Variants in CPSF4 observed in about 807,000 individuals in gnomAD.
The protein encoded by CPSF4 is cleavage and polyadenylation specific factor 4, also known as cleavage and polyadenylation specificity factor subunit 4.
Under a neutral mutation model 37.7 loss-of-function variants are expected in CPSF4, and 11 were observed. The ratio of observed to expected loss-of-function variants is 0.29; its 90% CI spans 0.18 to 0.48. The LOEUF (loss-of-function observed/expected upper bound fraction) is 0.48, where lower values mean the gene tolerates loss of function less well. Ranked by LOEUF, CPSF4 falls within the 20% of genes least tolerant of loss-of-function variation. CPSF4 has a pLI of 0.99. For missense variants in CPSF4, 144 were observed against 359.5 expected (o/e 0.40, Z 4.85); for synonymous variants, 132 against 135.9 (o/e 0.97, Z 0.20).
At chr7:99,443,954 G>A (rs2150986312) in intron 1 of CPSF4, among the ~76,000 whole-genome samples, 1 of 152,178 alleles carries the variant, frequency 6.6e-6, no homozygotes, top group African/African-American at 2.4e-5. Context: ...TACGGATGTT[G>A]CATATTAAAA....
chr7:99,457,137 C>G lies in CPSF4; in HGVS notation c.*637C>G, dbSNP rs550946933. On this transcript the variant is annotated 3_prime_UTR_variant, in exon 8 of 8. Transcript: ENST00000292476. The stretch of plus-strand genomic sequence containing the variant: ...CGTGCCTGACAGTGTTTAAGGTGTC[C>G]GTTGAACTGGAGTTGCAGACTTTTA... The G allele has an allele frequency of 6.1e-6, 1 of 165,124 alleles. No homozygotes were observed. Among genetic ancestry groups the G allele is most frequent in the Non-Finnish European group, 1.3e-5 (1 of 74,256 alleles). The allele number at this position is 165,124 out of a possible 1,614,324, so 10.2% of individuals were successfully genotyped here.
chr7:99,443,345 A>G (rs1797190996), intron 1 of CPSF4: 4 of 1,061,586 alleles, frequency 3.8e-6, no homozygotes, highest in Admixed American at 3.4e-5. Flanking sequence ...GTACATCTTC[A>G]TTTGCCTCCT....
intron 1 of CPSF4, among the ~76,000 whole-genome samples, chr7:99,443,796 A>AT (rs1422952883): frequency 6.6e-6 from 1 of 152,026 alleles, no homozygotes; most frequent in Non-Finnish European, 1.5e-5. Flanking sequence ...TGGTACACCT[A>AT]TAATTCCAGC....
At chr7:99,451,101 T>G (rs1322310262) in intron 5 of CPSF4, 2 of 270,970 alleles carry the variant, frequency 7.4e-6, no homozygotes, top group African/African-American at 2.2e-5. Context: ...TTTGGGGACT[T>G]CCAGTTAAGA....
chr7:99,443,492 AC>A, intron 1 of CPSF4: 1 of 820,520 alleles, frequency 1.2e-6, no homozygotes. Flanking sequence ...CATCTCAGTT[AC>A]CATCTTGTTA....
At position 99,440,655 on chromosome 7, in the gene CPSF4, C is replaced by CGCATATATATATATATATATATATAT. The variant is rs1363427698; in HGVS notation, c.103+1470_103+1471insGCATATATATATATATATATATATAT. On this transcript the variant is annotated intron_variant, in intron 1 of 7. Coordinates refer to ENST00000292476, the MANE Select transcript of CPSF4 (RefSeq NM_006693.4). ...TATAGGCATGAGCCACTGCACCTGG[C>CGCATATATATATATATATATATATAT]ATATATATATATATATATATTTTTT... Among the ~76,000 whole-genome samples, 23 of 90,596 alleles carry CGCATATATATATATATATATATATAT rather than the reference C, an allele frequency of 2.5e-4. 1 individual carries two copies. Among genetic ancestry groups the CGCATATATATATATATATATATATAT allele is most frequent in the African/African-American group, 1.4e-3 (16 of 11,724 alleles). The allele number at this position is 90,596 out of a possible 152,430, so 59.4% of individuals were successfully genotyped here.
intron 1 of CPSF4, among the ~76,000 whole-genome samples, chr7:99,441,226 C>T (rs1294062022): frequency 6.6e-6 from 1 of 152,146 alleles, no homozygotes; most frequent in African/African-American, 2.4e-5. Flanking sequence ...GCTGGGATTA[C>T]GGGCATAAGC....
chr7:99,448,313 G>C lies in CPSF4; in HGVS notation c.307+40G>C. On this transcript the variant is annotated intron_variant, in intron 3 of 7. Transcript: ENST00000292476. This position sits in a 1 kb window ranked among gnomAD's most constrained non-coding sequence, Gnocchi z 4.4. ...GCCCTGGAGGCTCTGCTGAGAACCA[G>C]GGTGCAGAGGGGTCCGCTGGCTGCT... 6.2e-7 allele frequency: 1 copy of C among 1,605,752 alleles called. No homozygotes were observed. Among genetic ancestry groups the C allele is most frequent in the Non-Finnish European group, 8.5e-7 (1 of 1,175,722 alleles).
intron 4 of CPSF4, 44 bp from the exon 5 acceptor site, chr7:99,450,658 C>A: frequency 6.8e-7 from 1 of 1,461,026 alleles, no homozygotes; most frequent in African/African-American, 1.4e-5. Flanking sequence ...AGCTCTCTAA[C>A]TGGTAGAGGG....
At chr7:99,440,675 T>TATATATATATATATATATATATATA (rs1491236759) in intron 1 of CPSF4, among the ~76,000 whole-genome samples, 8 of 74,830 alleles carry the variant, frequency 1.1e-4, no homozygotes, top group Admixed American at 5.4e-4. Flanking sequence ...TATATATATA[T>TATATATATATATATATATATATATA]TTTTTTTTTT....
chr7:99,439,385 C>A, intron 1 of CPSF4, 200 bp downstream of exon 1: 1 of 500,332 alleles, frequency 2.0e-6, no homozygotes, highest in Non-Finnish European at 3.5e-6. Flanking sequence ...CTGGGATCCT[C>A]CCCTTTAGTT....
In CPSF4 at chr7:99,439,082, C is replaced by T. The variant is rs1239404220; in HGVS notation, c.-1C>T. ...GGGCCGGTGGGGCCGCCGCCGCCGCCATGCAGGAAATCATCGCCAGCGTGG... is the reference window on the plus strand; with the variant it reads ...GGGCCGGTGGGGCCGCCGCCGCCGCTATGCAGGAAATCATCGCCAGCGTGG... On this transcript the variant is annotated 5_prime_UTR_variant, in exon 1 of 8. Transcript: ENST00000292476. 3.1e-6 allele frequency: 5 copies of T among 1,608,052 alleles called. No homozygotes were observed. Among genetic ancestry groups the T allele is most frequent in the Non-Finnish European group, 4.2e-6 (5 of 1,178,514 alleles).
At chr7:99,443,643 G>C in intron 1 of CPSF4, 1 of 489,474 alleles carries the variant, frequency 2.0e-6, no homozygotes, top group Non-Finnish European at 3.7e-6. Context: ...TGTGGGCCAG[G>C]TGTGGTGGCT....
chr7:99,443,638 G>T, intron 1 of CPSF4: 1 of 491,414 alleles, frequency 2.0e-6, no homozygotes. Context: ...TTGTATGTGG[G>T]CCAGGTGTGG....
In CPSF4 at chr7:99,440,674, A is replaced by ATATATATATTT; in HGVS notation, c.103+1490_103+1491insATATATATTTT. Among the ~76,000 whole-genome samples, 7 of 88,088 alleles carry ATATATATATTT rather than the reference A, an allele frequency of 7.9e-5. 1 individual carries two copies. Among genetic ancestry groups the ATATATATATTT allele is most frequent in the African/African-American group, 4.8e-4 (5 of 10,312 alleles). The allele number at this position is 88,088 out of a possible 152,430, so 57.8% of individuals were successfully genotyped here. A position where few individuals can be genotyped will look rare whatever the true frequency, so the allele number is the denominator to read the frequency against. ...ACCTGGCATATATATATATATATAT[A>ATATATATATTT]TTTTTTTTTTTTTTTTTTTCCTGCC... On this transcript the variant is annotated intron_variant, in intron 1 of 7. Coordinates refer to ENST00000292476, the MANE Select transcript of CPSF4 (RefSeq NM_006693.4).
At chr7:99,441,464 C>A (rs1326173228) in intron 1 of CPSF4, 1 of 456,296 alleles carries the variant, frequency 2.2e-6, no homozygotes, top group South Asian at 1.5e-5. Context: ...TAGGCACCCT[C>A]CACACTCGCT....
chr7:99,443,042 A>G, intron 1 of CPSF4: 1 of 1,215,998 alleles, frequency 8.2e-7, no homozygotes, highest in Admixed American at 1.7e-5. Flanking sequence ...AGACATTCAA[A>G]CCAAATCTTT....
At chr7:99,455,171 G>A (rs536737840) in intron 7 of CPSF4, among the ~76,000 whole-genome samples, 1 of 152,330 alleles carries the variant, frequency 6.6e-6, no homozygotes, top group African/African-American at 2.4e-5. Flanking sequence ...GCGCCCTTAA[G>A]TCCTGGAGCC....
chr7:99,454,678 T>C (rs553183826), intron 7 of CPSF4, among the ~76,000 whole-genome samples: 2 of 152,320 alleles, frequency 1.3e-5, no homozygotes, highest in East Asian at 3.9e-4. Context: ...AGTTTGACGT[T>C]ATTAATGGGC....
Sources: gnomAD v4.1 joint callset for allele counts (sites outside exome capture counted in the v4.1 genomes callset) on GRCh38, gnomAD v4.1.1 for gene constraint, Gnocchi (gnomAD v3.1) non-coding constraint, MANE v1.5 for transcripts, NCBI Gene and HGNC (gene_info 2026-07-23, HGNC 2026-07-21) for gene names.